Variants in RYR2 observed in about 807,000 individuals in gnomAD.
RYR2 encodes cardiac muscle ryanodine receptor-calcium release channel.
Under a neutral mutation model 601.1 loss-of-function variants are expected in RYR2, and 227 were observed. The observed-to-expected ratio is 0.38, with a 90% CI of 0.34 to 0.42. The LOEUF (loss-of-function observed/expected upper bound fraction) is 0.42. RYR2 is among the 10% of genes least tolerant of loss of function. The pLI, the probability that RYR2 is intolerant of heterozygous loss-of-function variation, is 1.00. For missense variants in RYR2, 4,646 were observed against 6,156.5 expected (o/e 0.75, Z 8.21); for synonymous variants, 2,223 against 2,175.1 (o/e 1.02, Z -0.61).
chr1:237,233,929 C>A (rs1243578775), intron 1 of RYR2, among the ~76,000 whole-genome samples: 1 of 151,950 alleles, frequency 6.6e-6, no homozygotes, highest in Non-Finnish European at 1.5e-5. Context: ...TTGTCTTGAG[C>A]TACCCATCCA....
chr1:237,191,218 C>A (rs1050515627), intron 1 of RYR2, among the ~76,000 whole-genome samples: 2 of 152,088 alleles, frequency 1.3e-5, no homozygotes, highest in African/African-American at 4.8e-5. Context: ...AAGTCATTGG[C>A]CATATATGCA....
chr1:237,358,352 G>C (rs1007863464), intron 4 of RYR2, among the ~76,000 whole-genome samples: 6 of 152,058 alleles, frequency 3.9e-5, no homozygotes, highest in African/African-American at 1.4e-4. Context: ...GCCCCGCCGG[G>C]TTCCTCACGC....
rs1366611409 is a variant in RYR2, at chr1:237,756,343, G to A, written c.11201G>A (p.Arg3734His). Residue 3734 changes from arginine (R) to histidine (H), a missense_variant, in exon 81 of 105, where the codon CGT becomes CAT. Physicochemically the swap from Arg to His is conservative, Grantham distance 29 (BLOSUM62 0). Transcript: ENST00000366574. The part of the protein sequence containing the change: ...LLYQQARLHD[R>H]GAAEMVLQTI... ...TACCAGCAAGCCCGACTCCACGATC[G>A]TGGCGCGGCTGAGATGGTGCTACAG... 3 of 1,613,450 alleles carry A rather than the reference G, an allele frequency of 1.9e-6. No individual in the cohort carries two copies. The highest frequency in any genetic ancestry group is 1.3e-5 in the African/African-American group (1 of 74,896).
chr1:237,754,974 C>A, intron 80 of RYR2: 2 of 711,216 alleles, frequency 2.8e-6, no homozygotes, highest in Non-Finnish European at 4.1e-6. Flanking sequence ...TTAGGCCTAT[C>A]ACATAATTTA....
In RYR2 at chr1:237,783,889, G is replaced by A. The variant is rs1311120147; in HGVS notation, c.12177G>A (p.Thr4059=). 1 of 1,613,660 alleles carries A rather than the reference G, an allele frequency of 6.2e-7. No homozygotes were observed. The highest frequency in any genetic ancestry group is 1.7e-5 in the Admixed American group (1 of 60,000). ...CGATGGAGAGCCATAAGCACTACAC[G>A]CAGTCAGAAACGGAATTTCTTTTGT... ...HKAMESHKHY[T]QSETEFLLSC... Residue 4059 remains threonine (T), a synonymous_variant, in exon 90 of 105, where the codon ACG becomes ACA. Transcript: ENST00000366574.
chr1:237,750,016 G>C (rs1406934060), intron 80 of RYR2, among the ~76,000 whole-genome samples: 1 of 151,872 alleles, frequency 6.6e-6, no homozygotes, highest in East Asian at 1.9e-4. Context: ...CATGGTGGCG[G>C]GCGCCTGTAA....
chr1:237,412,159 A>G (rs1196200797), intron 10 of RYR2, among the ~76,000 whole-genome samples: 1 of 152,152 alleles, frequency 6.6e-6, no homozygotes, highest in Non-Finnish European at 1.5e-5. Context: ...TGGCTTGACA[A>G]CTGAGATAAG....
chr1:237,262,024 G>A (rs1014110137), intron 1 of RYR2, among the ~76,000 whole-genome samples: 6 of 151,994 alleles, frequency 3.9e-5, no homozygotes, highest in African/African-American at 1.4e-4. Context: ...ATATTTCCTA[G>A]CATGTATTGC....
chr1:237,821,950 A>C (rs903721829), intron 101 of RYR2, among the ~76,000 whole-genome samples: 1 of 151,910 alleles, frequency 6.6e-6, no homozygotes, highest in Non-Finnish European at 1.5e-5. Flanking sequence ...CCTCAATGAA[A>C]TAAGGTGAGA....
chr1:237,111,098 C>T (rs1302304937), intron 1 of RYR2, among the ~76,000 whole-genome samples: 1 of 152,128 alleles, frequency 6.6e-6, no homozygotes. Context: ...CGAGGTTGGA[C>T]CAAGTAAATG....
intron 35 of RYR2, among the ~76,000 whole-genome samples, chr1:237,602,515 C>T (rs994213970): frequency 6.6e-6 from 1 of 152,080 alleles, no homozygotes; most frequent in Non-Finnish European, 1.5e-5. Context: ...TCAGCTAAAG[C>T]TCAAAGAAGA....
At chr1:237,670,614 G>T (rs1447861047) in intron 58 of RYR2, among the ~76,000 whole-genome samples, 1 of 152,072 alleles carries the variant, frequency 6.6e-6, no homozygotes, top group East Asian at 1.9e-4. Flanking sequence ...ATGAAAAAAT[G>T]TCTGTTCCTT....
At chr1:237,511,833 TGAAAAAAAA>T (rs1665933177) in intron 24 of RYR2, 42 bp downstream of exon 24, 7 of 274,698 alleles carry the variant, frequency 2.5e-5, no homozygotes, top group African/African-American at 8.0e-5. Flanking sequence ...CTGCCTTCCC[TGAAAAAAAA>T]AAAAAAAAAA....
At position 237,787,969 on chromosome 1, in the gene RYR2, T is replaced by C. The variant is rs957812745; in HGVS notation, c.13329-19T>C. 1.3e-6 allele frequency: 2 copies of C among 1,569,284 alleles called. No homozygotes were observed. The highest frequency in any genetic ancestry group is 1.7e-6 in the Non-Finnish European group (2 of 1,155,934). ...TTTAGTTTCTGGAGAGCTTATGTTT[T>C]GTTTGTTTGTTTTCATAGGGGAGAA... On this transcript the variant is annotated intron_variant, in intron 91 of 104. Coordinates refer to ENST00000366574, the MANE Select transcript of RYR2 (RefSeq NM_001035.3).
chr1:237,478,243 A>G (rs895086657), intron 17 of RYR2, among the ~76,000 whole-genome samples: 2 of 152,168 alleles, frequency 1.3e-5, no homozygotes, highest in Non-Finnish European at 2.9e-5. Flanking sequence ...GGTTACAGGT[A>G]TGGATTTTAG....
At chr1:237,589,181 G>A (rs1559073405) in intron 29 of RYR2, among the ~76,000 whole-genome samples, 1 of 152,070 alleles carries the variant, frequency 6.6e-6, no homozygotes, top group African/African-American at 2.4e-5. Context: ...CATTAAACAT[G>A]TATTTTTCCC....
chr1:237,522,568 G>A (rs1345298266), intron 24 of RYR2, among the ~76,000 whole-genome samples: 1 of 152,124 alleles, frequency 6.6e-6, no homozygotes, highest in Admixed American at 6.5e-5. Flanking sequence ...GGTTGCCTCT[G>A]TACTCCACCG....
intron 1 of RYR2, among the ~76,000 whole-genome samples, chr1:237,072,687 C>T (rs1664514058): frequency 6.6e-6 from 1 of 152,138 alleles, no homozygotes; most frequent in East Asian, 1.9e-4. Flanking sequence ...AAATACTCGC[C>T]TGTAATCCCA....
chr1:237,195,176 A>G (rs1680413938), intron 1 of RYR2, among the ~76,000 whole-genome samples: 1 of 152,234 alleles, frequency 6.6e-6, no homozygotes. Flanking sequence ...AAAATGTAAA[A>G]TACAGAAAAT....
Sources: gnomAD v4.1 joint callset for allele counts (sites outside exome capture counted in the v4.1 genomes callset) on GRCh38, gnomAD v4.1.1 for gene constraint, MANE v1.5 for transcripts, NCBI Gene and HGNC (gene_info 2026-07-23, HGNC 2026-07-21) for gene names.